Variants in DNAH2 observed in about 807,000 individuals in gnomAD.
DNAH2 encodes axonemal beta dynein heavy chain 2.
A neutral mutation model predicts 523.5 loss-of-function variants in DNAH2; 323 were observed. The observed-to-expected ratio is 0.62, with a 90% CI of 0.56 to 0.68. The LOEUF (loss-of-function observed/expected upper bound fraction) is 0.68, where lower values mean the gene tolerates loss of function less well. Among genes scored for constraint, DNAH2 ranks in the 30% least tolerant of loss-of-function variants. DNAH2 has a pLI of 0.00. For missense variants in DNAH2, 4,907 were observed against 5,701.5 expected, an observed-to-expected ratio of 0.86 and a Z score of 4.49; for synonymous variants, 2,093 against 2,177.4, an observed-to-expected ratio of 0.96 and a Z score of 1.08.
At chr17:7,732,909 A>G (rs1211208375) in intron 4 of DNAH2, among the ~76,000 whole-genome samples, 178 bp from the exon 5 acceptor site, 3 of 152,148 alleles carry the variant, frequency 2.0e-5, no homozygotes, top group African/African-American at 7.2e-5. Context: ...TTTCCTCCCC[A>G]CATCTCTGGA....
Position 7,821,425 on chromosome 17 carries a change from G to A in DNAH2, c.11142+56G>A, listed in dbSNP as rs761655606. The A allele has an allele frequency of 3.6e-5, 57 of 1,570,510 alleles. No homozygotes were observed. The highest frequency in any genetic ancestry group is 3.4e-4 in the Middle Eastern group (2 of 5,922). On this transcript the variant is annotated intron_variant, in intron 73 of 85. Transcript: ENST00000572933. This position sits in a 1 kb window ranked among gnomAD's most constrained non-coding sequence, Gnocchi z 5.0. ...GGGATGGTCAAGGTTGGGGATGAGGGCAAGTGTGACAAGGACTCCAGACCC... is the reference window on the plus strand; with the variant it reads ...GGGATGGTCAAGGTTGGGGATGAGGACAAGTGTGACAAGGACTCCAGACCC...
At chr17:7,764,346 C>A in intron 20 of DNAH2, 73 bp downstream of exon 20, 17 of 1,527,674 alleles carry the variant, frequency 1.1e-5, no homozygotes, top group Non-Finnish European at 1.5e-5. Context: ...CCTTGGCTGT[C>A]CTCGGGGAGA....
rs766519850 is a variant in DNAH2, at chr17:7,766,473, C to G, written c.3667C>G (p.Leu1223Val). The change falls in exon 22 of 86, where the codon CTG (leucine) becomes GTG (valine). Residue 1223 changes from leucine to valine, a missense_variant. This residue lies in a region of DNAH2 where 2,806 missense variants were observed against 3,190.8 expected (regional missense o/e 0.88). Transcript: ENST00000572933. Reference sequence around the variant, plus strand: ...GCCACCCTCCAAGGACCTTCAGAACCTGGAGAAGGTGGTGTGCTGAGCAAG... The same window carrying G: ...GCCACCCTCCAAGGACCTTCAGAACGTGGAGAAGGTGGTGTGCTGAGCAAG... The part of the protein sequence containing the change: ...EQPPSKDLQN[L>V]EKELDALQQI... 1.2e-6 allele frequency: 2 copies of G among 1,613,752 alleles called. No homozygotes were observed. The highest frequency in any genetic ancestry group is 1.7e-5 in the Admixed American group (1 of 60,002).
chr17:7,741,022 C>T (rs770124514), intron 11 of DNAH2, 30 bp downstream of exon 11: 3 of 1,574,672 alleles, frequency 1.9e-6, no homozygotes, highest in Non-Finnish European at 2.6e-6. Flanking sequence ...CATATTCTGT[C>T]GTCAGTGAGA....
intron 39 of DNAH2, among the ~76,000 whole-genome samples, chr17:7,784,968 A>G (rs1233781410): frequency 6.6e-6 from 1 of 152,218 alleles, no homozygotes; most frequent in East Asian, 1.9e-4. Context: ...AAACAGACCA[A>G]AAAATCCATA....
In DNAH2 at chr17:7,821,147, G is replaced by T. The variant is rs2077840803; in HGVS notation, c.11016-96G>T. 6.6e-7 allele frequency: 1 copy of T among 1,513,782 alleles called. No individual in the cohort carries two copies. The highest frequency in any genetic ancestry group is 8.9e-7 in the Non-Finnish European group (1 of 1,122,550). 93.8% of individuals were successfully genotyped at this position (1,513,782 alleles called of 1,614,324 possible). A position where few individuals can be genotyped will look rare whatever the true frequency, so the allele number is the denominator to read the frequency against. On this transcript the variant is annotated intron_variant, in intron 72 of 85. Transcript: ENST00000572933. The surrounding 1 kb of genome is among the most constrained non-coding windows in gnomAD (Gnocchi z 5.0). ...GGATTAGAGGCTGGTGAGGTCCTCTGTGTGAAGCTGTGTGATAGTAGCATC... is the reference window on the plus strand; with the variant it reads ...GGATTAGAGGCTGGTGAGGTCCTCTTTGTGAAGCTGTGTGATAGTAGCATC...
rs774698796 is a variant in DNAH2, at chr17:7,830,507, G to A, written c.12045+16G>A. 1.9e-6 allele frequency: 3 copies of A among 1,613,060 alleles called. No homozygotes were observed. The highest frequency in any genetic ancestry group is 1.7e-5 in the Admixed American group (1 of 59,954). ...CGACTTTGAGGTTTGCATTAGCCAG[G>A]GGTCCTCATCCCAGCCCTCTCTCCT... On this transcript the variant is annotated intron_variant, in intron 78 of 85. Transcript: ENST00000572933.
rs969384635 is a variant in DNAH2 at position 7,797,408 on chromosome 17, C to G, written c.7958C>G (p.Ser2653Cys). ...LWIHECFRVF[S>C]DRLVDAADTE... ...CAGTTCCCTGCCCACAGAGTCTTCTCTGACCGGCTGGTTGATGCGGCAGAC... is the reference window on the plus strand; with the variant it reads ...CAGTTCCCTGCCCACAGAGTCTTCTGTGACCGGCTGGTTGATGCGGCAGAC... The change falls in exon 52 of 86, where the codon TCT (serine) becomes TGT (cysteine). Residue 2653 changes from serine (S) to cysteine (C), a missense_variant. Physicochemically the swap from Ser to Cys is moderately radical, Grantham distance 112 (BLOSUM62 -1). This residue lies in a region of DNAH2 where 250 missense variants were observed against 371.3 expected (regional missense o/e 0.67). Coordinates refer to ENST00000572933, the MANE Select transcript of DNAH2 (RefSeq NM_020877.5). 6.2e-6 allele frequency: 10 copies of G among 1,614,060 alleles called. No homozygotes were observed. The highest frequency in any genetic ancestry group is 8.5e-6 in the Non-Finnish European group (10 of 1,180,050).
At chr17:7,819,553 C>A in intron 72 of DNAH2, 145 bp downstream of exon 72, 1 of 807,532 alleles carries the variant, frequency 1.2e-6, no homozygotes, top group East Asian at 2.7e-5. Flanking sequence ...TCCTCACTCT[C>A]ATGGCTTAAC....
chr17:7,820,465 A>T (rs991841860), intron 72 of DNAH2, among the ~76,000 whole-genome samples: 6 of 152,134 alleles, frequency 3.9e-5, no homozygotes, highest in Non-Finnish European at 7.3e-5. Flanking sequence ...TGGGGGCCTG[A>T]GCGTCCCTGA....
At chr17:7,822,454 C>A (rs897618582) in intron 73 of DNAH2, among the ~76,000 whole-genome samples, 1 of 152,182 alleles carries the variant, frequency 6.6e-6, no homozygotes, top group African/African-American at 2.4e-5. Flanking sequence ...TACTCCCCGG[C>A]GTGTGCACCT....
chr17:7,774,672 G>A (rs1166659404), intron 28 of DNAH2, 87 bp from the exon 29 acceptor site: 1 of 1,195,662 alleles, frequency 8.4e-7, no homozygotes, highest in African/African-American at 1.5e-5. Context: ...CTGTTCAAGA[G>A]CTGGCAAAGA....
At position 7,807,597 on chromosome 17, in the gene DNAH2, C is replaced by T. The variant is rs377378814; in HGVS notation, c.9729+11C>T. 55 of 1,606,984 alleles carry T rather than the reference C, an allele frequency of 3.4e-5. No individual in the cohort carries two copies. Among genetic ancestry groups the T allele is most frequent in the African/African-American group, 1.2e-4 (9 of 74,990 alleles). ...GAGAAGCTGCGGGAGGTGAGCTGAT[C>T]GCCTGTCCTTTCCACGGAGGTCCCT... On this transcript the variant is annotated intron_variant, in intron 63 of 85. Coordinates refer to ENST00000572933, the MANE Select transcript of DNAH2 (RefSeq NM_020877.5). This position sits in a 1 kb window ranked among gnomAD's most constrained non-coding sequence, Gnocchi z 5.6.
intron 12 of DNAH2, among the ~76,000 whole-genome samples, chr17:7,745,082 C>T (rs2075477786): frequency 6.6e-6 from 1 of 151,986 alleles, no homozygotes; most frequent in Non-Finnish European, 1.5e-5. Flanking sequence ...GCAACCTCCG[C>T]CTCCTGAGTT....
At chr17:7,826,608 C>T (rs1038846934) in intron 77 of DNAH2, among the ~76,000 whole-genome samples, 1 of 142,164 alleles carries the variant, frequency 7.0e-6, no homozygotes, top group Admixed American at 7.7e-5. Context: ...GGCGCCATCT[C>T]GGCTCACTGA....
intron 63 of DNAH2, among the ~76,000 whole-genome samples, chr17:7,815,211 G>A (rs1222004933): frequency 2.0e-5 from 3 of 152,208 alleles, no homozygotes; most frequent in African/African-American, 7.2e-5. Flanking sequence ...GCCTTGCACC[G>A]TGCCATAGCC....
chr17:7,833,267 T>C, intron 85 of DNAH2, 46 bp downstream of exon 85: 2 of 1,607,258 alleles, frequency 1.2e-6, no homozygotes, highest in Non-Finnish European at 1.7e-6. Context: ...GTCCCTAGTT[T>C]GGAACTTAAC....
chr17:7,829,698 T>C (rs1477152736), intron 77 of DNAH2, among the ~76,000 whole-genome samples: 1 of 152,076 alleles, frequency 6.6e-6, no homozygotes, highest in Non-Finnish European at 1.5e-5. Context: ...CTGGCCTACC[T>C]ACCACTGAGA....
At chr17:7,743,426 G>A in intron 12 of DNAH2, 1 of 686,170 alleles carries the variant, frequency 1.5e-6, no homozygotes, top group Non-Finnish European at 2.6e-6. Flanking sequence ...AGCACTTTGG[G>A]AGGCTGAGGT....
Sources: gnomAD v4.1 joint callset for allele counts (sites outside exome capture counted in the v4.1 genomes callset) on GRCh38, gnomAD v4.1.1 for gene constraint, gnomAD v4.1.1 regional missense constraint, Gnocchi (gnomAD v3.1) non-coding constraint, MANE v1.5 for transcripts, NCBI Gene and HGNC (gene_info 2026-07-23, HGNC 2026-07-21) for gene names.